Variants in BAZ1A observed in about 807,000 individuals in gnomAD.
The protein encoded by BAZ1A is bromodomain adjacent to zinc finger domain protein 1A.
Under a neutral mutation model 185.2 loss-of-function variants are expected in BAZ1A, and 50 were observed. The ratio of observed to expected loss-of-function variants is 0.27; its 90% confidence interval spans 0.22 to 0.34. The LOEUF is 0.34. Ranked by LOEUF, BAZ1A falls within the 10% of genes least tolerant of loss-of-function variation. The pLI is 1.00. For synonymous variants in BAZ1A, 571 were observed against 615.6 expected (o/e 0.93, Z 1.07); for missense variants, 1,356 against 1,839.9 (o/e 0.74, Z 4.81).
Position 34,800,276 on chromosome 14 carries a change from T to A in BAZ1A, c.1076A>T (p.Glu359Val). ...TTTTTCTTCTTTTTTCTTTAGTCTC[T>A]CTTCTTCAACAATTTTTTTCAATTC... ...REELKKIVEE[E>V]RLKKKEEKER... The change falls in exon 9 of 27, where the codon GAG (glutamate) becomes GTG (valine). Residue 359 changes from glutamate to valine, a missense_variant. This residue lies in a region of BAZ1A where 184 missense variants were observed against 355.1 expected (regional missense o/e 0.52). Coordinates refer to ENST00000360310, the MANE Select transcript of BAZ1A (RefSeq NM_013448.3). 1 of 1,450,282 alleles carries A rather than the reference T, an allele frequency of 6.9e-7. No homozygotes were observed. Among genetic ancestry groups the A allele is most frequent in the Non-Finnish European group, 9.4e-7 (1 of 1,065,792 alleles). 89.8% of individuals were successfully genotyped at this position (1,450,282 alleles called of 1,614,324 possible).
At chr14:34,772,721 G>A (rs1234556918) in intron 20 of BAZ1A, among the ~76,000 whole-genome samples, 1 of 152,132 alleles carries the variant, frequency 6.6e-6, no homozygotes, top group Non-Finnish European at 1.5e-5. Flanking sequence ...GTACAACGAT[G>A]GAATAGATGG....
intron 6 of BAZ1A, among the ~76,000 whole-genome samples, chr14:34,806,976 G>A (rs1301748046): frequency 1.3e-5 from 2 of 150,676 alleles, no homozygotes; most frequent in African/African-American, 4.9e-5. Flanking sequence ...CTCCAGGCTG[G>A]TCTCCTGGGC....
At chr14:34,798,161 G>T (rs185346043) in intron 9 of BAZ1A, among the ~76,000 whole-genome samples, 1 of 152,380 alleles carries the variant, frequency 6.6e-6, no homozygotes, top group Non-Finnish European at 1.5e-5. Flanking sequence ...CGCCATTGCT[G>T]AGGCTTGAGT....
At chr14:34,764,321 C>T (rs1216201293) in intron 23 of BAZ1A, among the ~76,000 whole-genome samples, 8 of 122,406 alleles carry the variant, frequency 6.5e-5, no homozygotes, top group East Asian at 5.0e-4. Flanking sequence ...GATGGAGTCT[C>T]GCTCTTGTCA....
chr14:34,808,554 CG>C (rs1339513465), intron 5 of BAZ1A, among the ~76,000 whole-genome samples: 2 of 151,938 alleles, frequency 1.3e-5, no homozygotes, highest in African/African-American at 4.8e-5. Flanking sequence ...TACCAGAAAT[CG>C]TATTAAGTGC....
Position 34,800,214 on chromosome 14 carries a change from AAATG to A in BAZ1A, c.1128+6_1128+9del. 7.2e-7 allele frequency: 1 copy of A among 1,389,548 alleles called. No homozygotes were observed. The highest frequency in any genetic ancestry group is 9.8e-7 in the Non-Finnish European group (1 of 1,022,188). 86.1% of individuals were successfully genotyped at this position (1,389,548 alleles called of 1,614,324 possible). A position where few individuals can be genotyped will look rare whatever the true frequency, so the allele number is the denominator to read the frequency against. On this transcript the variant is annotated splice_donor_region_variant and intron_variant, in intron 9 of 26. Coordinates refer to ENST00000360310, the MANE Select transcript of BAZ1A (RefSeq NM_013448.3). ...TGTAGAGAGTATAGCTAATATACTC[AAATG>A]AATACCTTTTCTCTTTCTACTTTAA...
chr14:34,836,000 A>G (rs2042323638), intron 3 of BAZ1A, among the ~76,000 whole-genome samples: 1 of 151,838 alleles, frequency 6.6e-6, no homozygotes, highest in Non-Finnish European at 1.5e-5. Flanking sequence ...ATAGTCTGGA[A>G]TGTATATACC....
intron 26 of BAZ1A, 63 bp downstream of exon 26, chr14:34,754,764 C>G (rs60879255): frequency 9.5e-6 from 11 of 1,155,230 alleles, no homozygotes; most frequent in Non-Finnish European, 1.3e-5. Flanking sequence ...AAATAAATAT[C>G]AAAGATGCTA....
chr14:34,792,163 C>A (rs772203318), intron 12 of BAZ1A, among the ~76,000 whole-genome samples: 30 of 152,168 alleles, frequency 2.0e-4, no homozygotes, highest in Non-Finnish European at 3.5e-4. Context: ...GCGGGTGGAT[C>A]ACCTGAGGTC....
chr14:34,762,364 T>G (rs1037126912), intron 23 of BAZ1A, 141 bp from the exon 24 acceptor site: 1 of 724,502 alleles, frequency 1.4e-6, no homozygotes, highest in East Asian at 2.7e-5. Flanking sequence ...CTCAATTCCT[T>G]AAAGAGTCAG....
At chr14:34,762,366 AAG>A in intron 23 of BAZ1A, 143 bp from the exon 24 acceptor site, 2 of 702,680 alleles carry the variant, frequency 2.8e-6, no homozygotes, top group Non-Finnish European at 4.6e-6. Flanking sequence ...CAATTCCTTA[AAG>A]AGTCAGTAAG....
At position 34,832,215 on chromosome 14, in the gene BAZ1A, C is replaced by CACACACACACACACACACATATATAT; in HGVS notation, c.393-6060_393-6059insATATATATGTGTGTGTGTGTGTGTGT. Among the ~76,000 whole-genome samples, 100 of 89,700 alleles carry CACACACACACACACACACATATATAT rather than the reference C, an allele frequency of 1.1e-3. 1 individual carries two copies. Among genetic ancestry groups the CACACACACACACACACACATATATAT allele is most frequent in the Middle Eastern group, 5.7e-3 (1 of 174 alleles). The allele number at this position is 89,700 out of a possible 152,430, so 58.8% of individuals were successfully genotyped here. ...ATACACACACACACACACACACACA[C>CACACACACACACACACACATATATAT]ATATATATATATATATGTATGTATG... is the stretch of plus-strand genomic sequence containing the variant. On this transcript the variant is annotated intron_variant, in intron 3 of 26. Coordinates refer to ENST00000360310, the MANE Select transcript of BAZ1A (RefSeq NM_013448.3).
intron 3 of BAZ1A, among the ~76,000 whole-genome samples, chr14:34,841,194 C>T (rs2042409086): frequency 6.6e-6 from 1 of 152,140 alleles, no homozygotes; most frequent in Non-Finnish European, 1.5e-5. Flanking sequence ...GTATTGTTAA[C>T]TGACTCACTA....
intron 2 of BAZ1A, among the ~76,000 whole-genome samples, chr14:34,866,915 G>A (rs1025696451): frequency 2.7e-5 from 4 of 150,142 alleles, no homozygotes; most frequent in Non-Finnish European, 5.9e-5. Flanking sequence ...ATTTCAATAC[G>A]TAATAAACAT....
At chr14:34,866,820 G>C (rs1003534911) in intron 2 of BAZ1A, among the ~76,000 whole-genome samples, 17 of 151,940 alleles carry the variant, frequency 1.1e-4, no homozygotes, top group Non-Finnish European at 4.4e-5. Flanking sequence ...AGAATGGTTA[G>C]TCACATGTAT....
intron 3 of BAZ1A, among the ~76,000 whole-genome samples, chr14:34,856,290 T>C (rs2042676555): frequency 4.4e-5 from 1 of 22,980 alleles, no homozygotes; most frequent in Admixed American, 4.9e-4. Flanking sequence ...CAAGAGCATC[T>C]TTTTTTTTTT....
intron 3 of BAZ1A, among the ~76,000 whole-genome samples, chr14:34,853,555 C>T (rs1215715087): frequency 6.6e-6 from 1 of 152,016 alleles, no homozygotes; most frequent in Non-Finnish European, 1.5e-5. Context: ...GAGGCCGAGG[C>T]GGGTGAATTA....
At chr14:34,780,155 C>T (rs1362055047) in intron 17 of BAZ1A, 31 bp downstream of exon 17, 9 of 1,609,886 alleles carry the variant, frequency 5.6e-6, no homozygotes, top group African/African-American at 2.7e-5. Context: ...AACAAATACA[C>T]AAGAATGCCC....
chr14:34,813,074 T>A (rs2041952931), intron 4 of BAZ1A, among the ~76,000 whole-genome samples: 1 of 152,052 alleles, frequency 6.6e-6, no homozygotes, highest in Non-Finnish European at 1.5e-5. Flanking sequence ...AATAGAGAAT[T>A]CTAAATGTAA....
Sources: gnomAD v4.1 joint callset for allele counts (sites outside exome capture counted in the v4.1 genomes callset) on GRCh38, gnomAD v4.1.1 for gene constraint, gnomAD v4.1.1 regional missense constraint, MANE v1.5 for transcripts, NCBI Gene and HGNC (gene_info 2026-07-23, HGNC 2026-07-21) for gene names.